Variants in TMEM38B observed in about 807,000 individuals in gnomAD.
TMEM38B encodes transmembrane protein 38B, also known as trimeric intracellular cation channel type B.
TMEM38B carries 24 observed loss-of-function variants against 28.7 expected under a neutral mutation model. The ratio of observed to expected loss-of-function variants is 0.84; its 90% CI spans 0.61 to 1.18. TMEM38B has a LOEUF of 1.18. TMEM38B is among the 50% of genes most tolerant of loss of function. The probability of loss-of-function intolerance (pLI) is 0.00; values close to 1 mark genes in which losing one functional copy is unlikely to be tolerated. For synonymous variants in TMEM38B, 131 were observed against 127.7 expected, an observed-to-expected ratio of 1.03 and a Z score of -0.17; for missense variants, 380 against 350.9, an observed-to-expected ratio of 1.08 and a Z score of -0.66.
chr9:105,763,652 A>G (rs1221284140), intron 5 of TMEM38B, among the ~76,000 whole-genome samples: 1 of 152,252 alleles, frequency 6.6e-6, no homozygotes, highest in African/African-American at 2.4e-5. Flanking sequence ...TACCAGAGGT[A>G]CAAGGAGCAA....
intron 2 of TMEM38B, among the ~76,000 whole-genome samples, chr9:105,715,319 A>G (rs1429170968): frequency 2.6e-5 from 4 of 151,938 alleles, no homozygotes; most frequent in Non-Finnish European, 5.9e-5. Flanking sequence ...TTCTCTTTTA[A>G]GATCTTTTTT....
chr9:105,731,554 G>T (rs1470911862), intron 4 of TMEM38B, among the ~76,000 whole-genome samples: 1 of 152,078 alleles, frequency 6.6e-6, no homozygotes, highest in Non-Finnish European at 1.5e-5. Context: ...AGAACATGTA[G>T]TGTTTGGTTT....
Position 105,763,349 on chromosome 9 carries a change from A to G in TMEM38B, c.661-10516A>G, listed in dbSNP as rs549251357. Among the ~76,000 whole-genome samples, 7 of 152,306 alleles carry G rather than the reference A, an allele frequency of 4.6e-5. No homozygotes were observed. In the South Asian group the frequency reaches 1.5e-3, roughly 32 times the overall value. On this transcript the variant is annotated intron_variant, in intron 5 of 5. Transcript: ENST00000374692. ...GTCCTTGCCCATGCCTATGTCCTGA[A>G]TGGTAATGCCTAGGTTTTCTTCTAG... is the stretch of plus-strand genomic sequence containing the variant.
intron 4 of TMEM38B, among the ~76,000 whole-genome samples, chr9:105,740,297 G>A (rs1302268394): frequency 8.5e-6 from 1 of 117,848 alleles, no homozygotes; most frequent in Non-Finnish European, 1.7e-5. Context: ...GTCTTGCTCT[G>A]TTGCCCAGGC....
At chr9:105,733,431 T>TTTG (rs1836848379) in intron 4 of TMEM38B, among the ~76,000 whole-genome samples, 1 of 151,306 alleles carries the variant, frequency 6.6e-6, no homozygotes, top group African/African-American at 2.4e-5. Flanking sequence ...CTTTTTTTTT[T>TTTG]TTTTTGCGGT....
intron 2 of TMEM38B, 24 bp from the exon 3 acceptor site, chr9:105,721,513 A>G: frequency 6.6e-7 from 1 of 1,521,056 alleles, no homozygotes; most frequent in Non-Finnish European, 8.9e-7. Context: ...TTAATATATT[A>G]AAATGTTTAC....
chr9:105,756,060 A>G (rs774251727), intron 5 of TMEM38B, among the ~76,000 whole-genome samples: 4 of 152,126 alleles, frequency 2.6e-5, no homozygotes, highest in East Asian at 3.9e-4. Context: ...GTGAAATCCT[A>G]TCTACTAAAA....
Position 105,774,199 on chromosome 9 carries a change from C to T in TMEM38B, c.*119C>T. The stretch of plus-strand genomic sequence containing the variant: ...GACTATATATATGGAATGGAGGTGA[C>T]AGAAAGAAAGAAATTCTTTGTTTGA... On this transcript the variant is annotated 3_prime_UTR_variant, in exon 6 of 6. Coordinates refer to ENST00000374692, the MANE Select transcript of TMEM38B (RefSeq NM_018112.3). 1 of 809,678 alleles carries T rather than the reference C, an allele frequency of 1.2e-6. No individual in the cohort carries two copies. The highest frequency in any genetic ancestry group is 1.9e-6 in the Non-Finnish European group (1 of 520,830). The allele number at this position is 809,678 out of a possible 1,614,324, so 50.2% of individuals were successfully genotyped here.
At chr9:105,705,821 A>T (rs1288863594) in intron 2 of TMEM38B, 68 bp downstream of exon 2, 6 of 1,481,920 alleles carry the variant, frequency 4.0e-6, no homozygotes, top group Admixed American at 2.1e-5. Flanking sequence ...AGTAAAATGA[A>T]TTTTTTTTTC....
intron 2 of TMEM38B, among the ~76,000 whole-genome samples, chr9:105,706,527 G>A (rs913195174): frequency 3.9e-5 from 6 of 152,234 alleles, no homozygotes; most frequent in Admixed American, 3.3e-4. Flanking sequence ...CAAAACAAAG[G>A]TAGTTAATCA....
chr9:105,747,575 C>T (rs1417010280), intron 4 of TMEM38B, among the ~76,000 whole-genome samples: 3 of 152,118 alleles, frequency 2.0e-5, no homozygotes, highest in Admixed American at 1.3e-4. Flanking sequence ...TCTCTATCTC[C>T]TTCAGTTCTG....
chr9:105,727,651 AG>A (rs1836563415), intron 4 of TMEM38B, among the ~76,000 whole-genome samples: 1 of 152,174 alleles, frequency 6.6e-6, no homozygotes. Flanking sequence ...TTTTTGGATT[AG>A]GGATGCTCAA....
rs1205828925 is a variant in TMEM38B, at chr9:105,737,991, C to G, written c.543-10082C>G. 2.0e-5 allele frequency among the ~76,000 whole-genome samples: 3 copies of G among 152,116 alleles called. No homozygotes were observed. In the East Asian group the frequency reaches 5.8e-4, roughly 29 times the overall value. ...GGTAGGCTTGAGGATGGCAGGTCAC[C>G]AGACAGGCATGGTGCAGTGATAACA... On this transcript the variant is annotated intron_variant, in intron 4 of 5. Transcript: ENST00000374692.
intron 1 of TMEM38B, among the ~76,000 whole-genome samples, chr9:105,697,850 A>C (rs1036403448): frequency 1.1e-4 from 16 of 152,178 alleles, no homozygotes; most frequent in Non-Finnish European, 5.9e-5. Flanking sequence ...TAAGGTTATA[A>C]AAATACTCGT....
At chr9:105,700,523 A>G (rs1296512600) in intron 1 of TMEM38B, among the ~76,000 whole-genome samples, 3 of 152,154 alleles carry the variant, frequency 2.0e-5, no homozygotes, top group Non-Finnish European at 4.4e-5. Flanking sequence ...TTCATTCCAA[A>G]ATTTCTTACT....
intron 4 of TMEM38B, among the ~76,000 whole-genome samples, chr9:105,745,771 C>G (rs557063758): frequency 1.8e-4 from 27 of 147,810 alleles, no homozygotes; most frequent in Non-Finnish European, 3.2e-4. Context: ...TGTATAATTA[C>G]AAAAATTAAT....
intron 2 of TMEM38B, 68 bp from the exon 3 acceptor site, chr9:105,721,469 A>T: frequency 8.7e-7 from 1 of 1,143,662 alleles, no homozygotes; most frequent in Non-Finnish European, 1.2e-6. Context: ...TGTTGCTGTT[A>T]GGTTAGATTT....
chr9:105,761,200 T>C (rs1247280637), intron 5 of TMEM38B, among the ~76,000 whole-genome samples: 3 of 152,220 alleles, frequency 2.0e-5, no homozygotes, highest in African/African-American at 4.8e-5. Context: ...ATTTGAAAAC[T>C]CAGTGAGATA....
chr9:105,759,500 T>C, intron 5 of TMEM38B: 30 of 1,584,152 alleles, frequency 1.9e-5, no homozygotes, highest in Non-Finnish European at 2.6e-5. Context: ...AATGACATAA[T>C]GGGAGGAAGC....
Sources: gnomAD v4.1 joint callset for allele counts (sites outside exome capture counted in the v4.1 genomes callset) on GRCh38, gnomAD v4.1.1 for gene constraint, MANE v1.5 for transcripts, NCBI Gene and HGNC (gene_info 2026-07-23, HGNC 2026-07-21) for gene names.